The following LINGO2 variants were observed in gnomAD, a reference collection of about 807,000 sequenced individuals.
LINGO2 encodes leucine-rich repeat and immunoglobulin-like domain-containing nogo receptor-interacting protein 2.
A neutral mutation model predicts 30.6 loss-of-function variants in LINGO2; 14 were observed. The ratio of observed to expected loss-of-function variants is 0.46; its 90% confidence interval spans 0.30 to 0.72. LINGO2 has a LOEUF of 0.72. Ranked by LOEUF, LINGO2 falls within the 30% of genes least tolerant of loss-of-function variation. The pLI is 0.07. For synonymous variants in LINGO2, 317 were observed against 288.5 expected, an observed-to-expected ratio of 1.10 and a Z score of -1.00; for missense variants, 729 against 751.7, an observed-to-expected ratio of 0.97 and a Z score of 0.35.
the LINGO2 span, among the ~76,000 whole-genome samples, chr9:28,850,219 T>C: frequency 3.3e-5 from 5 of 152,056 alleles, no homozygotes; most frequent in Admixed American, 1.3e-4. Context: ...CAGAAAAATA[T>C]AATTTCAGCA....
chr9:28,747,755 C>T, the LINGO2 span, among the ~76,000 whole-genome samples: 2 of 147,508 alleles, frequency 1.4e-5, no homozygotes, highest in Non-Finnish European at 3.0e-5. Flanking sequence ...ATAGCAATCC[C>T]TATAAAACAT....
chr9:29,018,837 A>C, the LINGO2 span, among the ~76,000 whole-genome samples: 3 of 152,312 alleles, frequency 2.0e-5, no homozygotes, highest in African/African-American at 7.2e-5. Context: ...AGGTTTCTTA[A>C]ATCATCTTTC....
intron 4 of LINGO2, among the ~76,000 whole-genome samples, chr9:28,205,745 A>T (rs1820386899): frequency 6.6e-6 from 1 of 152,158 alleles, no homozygotes; most frequent in African/African-American, 2.4e-5. Flanking sequence ...AAAAGCACAG[A>T]TGGTTCATTA....
chr9:28,687,985 A>G, the LINGO2 span, among the ~76,000 whole-genome samples: 1 of 152,246 alleles, frequency 6.6e-6, no homozygotes, highest in East Asian at 1.9e-4. Flanking sequence ...TAAAACAGAG[A>G]AAAAAAGTAA....
intron 2 of LINGO2, among the ~76,000 whole-genome samples, chr9:28,389,784 C>T (rs932601568): frequency 6.6e-6 from 1 of 152,190 alleles, no homozygotes; most frequent in African/African-American, 2.4e-5. Flanking sequence ...CAACAGACAT[C>T]TAGAGTTGTA....
rs543687319 is a variant in LINGO2 at position 28,136,240 on chromosome 9, A to G, written c.-86-123835T>C. Among the ~76,000 whole-genome samples the G allele has an allele frequency of 2.6e-5, 4 of 152,334 alleles. No individual in the cohort carries two copies. In the East Asian group the frequency reaches 7.7e-4, roughly 29 times the overall value. ...GGTAGTGGTGGTGGTGTACGATACT[A>G]CTAGTTGATAATCAAGGCTGTTGCT... On this transcript the variant is annotated intron_variant, in intron 4 of 5. Transcript: ENST00000379992.
chr9:27,944,163 GACATGCAGTT>G (rs1005379589), downstream of LINGO2: 16 of 152,146 alleles, frequency 1.1e-4, no homozygotes, highest in African/African-American at 3.6e-4. Context: ...TTTTTGAGAA[GACATGCAGTT>G]ACACATACTG....
chr9:28,636,919 T>C (rs62548204), intron 1 of LINGO2, among the ~76,000 whole-genome samples: 10,779 of 152,246 alleles, frequency 0.071, 546 homozygotes, highest in Admixed American at 0.19. Flanking sequence ...TGAATGGTAT[T>C]CCTTAGGTTT....
chr9:28,109,970 C>T (rs979411785), intron 4 of LINGO2, among the ~76,000 whole-genome samples: 12 of 152,136 alleles, frequency 7.9e-5, no homozygotes, highest in Non-Finnish European at 1.6e-4. Flanking sequence ...AAACTGGAGG[C>T]ATCATGCTAC....
At chr9:27,978,128 T>C (rs1820690995) in intron 5 of LINGO2, among the ~76,000 whole-genome samples, 1 of 152,048 alleles carries the variant, frequency 6.6e-6, no homozygotes, top group Non-Finnish European at 1.5e-5. Flanking sequence ...CCTTTGCTCC[T>C]GGGATGAAAT....
chr9:28,712,608 T>G, the LINGO2 span, among the ~76,000 whole-genome samples: 2 of 151,634 alleles, frequency 1.3e-5, no homozygotes, highest in African/African-American at 4.8e-5. Context: ...TTTGTATGAC[T>G]ACAATAAGGA....
At chr9:29,118,219 C>T in the LINGO2 span, among the ~76,000 whole-genome samples, 2 of 152,096 alleles carry the variant, frequency 1.3e-5, no homozygotes, top group Non-Finnish European at 2.9e-5. Context: ...TCATTCATCA[C>T]TAACTAATTA....
At chr9:29,044,085 G>C in the LINGO2 span, among the ~76,000 whole-genome samples, 1 of 151,976 alleles carries the variant, frequency 6.6e-6, no homozygotes, top group Non-Finnish European at 1.5e-5. Flanking sequence ...TTTAATAGCT[G>C]ACTTCAAAGT....
intron 4 of LINGO2, among the ~76,000 whole-genome samples, chr9:28,228,728 T>A (rs1296332905): frequency 6.6e-6 from 1 of 151,782 alleles, no homozygotes; most frequent in African/African-American, 2.4e-5. Context: ...TCTAGCTGAT[T>A]TGTTTACAAA....
chr9:28,968,060 G>A, the LINGO2 span, among the ~76,000 whole-genome samples: 1 of 152,220 alleles, frequency 6.6e-6, no homozygotes, highest in African/African-American at 2.4e-5. Flanking sequence ...CCCTGAAGTA[G>A]ACTTTTCAGT....
At chr9:28,470,058 T>TC (rs1405088022) in intron 2 of LINGO2, among the ~76,000 whole-genome samples, 1 of 152,092 alleles carries the variant, frequency 6.6e-6, no homozygotes. Context: ...ATAGACGTAA[T>TC]TTGTGAAATC....
At chr9:28,615,812 T>C (rs577697853) in intron 1 of LINGO2, among the ~76,000 whole-genome samples, 54 of 152,260 alleles carry the variant, frequency 3.5e-4, no homozygotes, top group Admixed American at 1.8e-3. Context: ...GTGTACAGCA[T>C]TTTAATCAAT....
the LINGO2 span, among the ~76,000 whole-genome samples, chr9:29,019,870 C>A: frequency 6.6e-6 from 1 of 151,932 alleles, no homozygotes; most frequent in Admixed American, 6.6e-5. Flanking sequence ...GTACAAAGAT[C>A]GAATCATATT....
rs565331990 is a variant in LINGO2, at chr9:28,637,506, T to G, written c.-365+32694A>C. On this transcript the variant is annotated intron_variant, in intron 1 of 5. Coordinates refer to ENST00000379992, the Ensembl canonical transcript of LINGO2. ...TCCTCTTTTATTTCGTTGAGCAGTGTTTTGTAATTCTCCTTGAAGAGGTCC... is the reference window on the plus strand; with the variant it reads ...TCCTCTTTTATTTCGTTGAGCAGTGGTTTGTAATTCTCCTTGAAGAGGTCC... Among the ~76,000 whole-genome samples, 439 of 152,198 alleles carry G rather than the reference T, an allele frequency of 2.9e-3. 2 individuals carry two copies. Among genetic ancestry groups the G allele is most frequent in the South Asian group, 0.024 (115 of 4,812 alleles).
Sources: gnomAD v4.1 joint callset for allele counts (sites outside exome capture counted in the v4.1 genomes callset) on GRCh38, gnomAD v4.1.1 for gene constraint, MANE v1.5 for transcripts, NCBI Gene and HGNC (gene_info 2026-07-23, HGNC 2026-07-21) for gene names.